Variants in ARHGAP26 observed in about 807,000 individuals in gnomAD.
The protein encoded by ARHGAP26 is rho GTPase-activating protein 26.
Under a neutral mutation model 104.8 loss-of-function variants are expected in ARHGAP26, and 38 were observed. That is an observed-to-expected ratio of 0.36 (90% confidence interval 0.28 to 0.48). ARHGAP26 has a LOEUF of 0.48. Ranked by LOEUF, ARHGAP26 falls within the 20% of genes least tolerant of loss-of-function variation. The probability of loss-of-function intolerance (pLI) is 0.99; values close to 1 mark genes in which losing one functional copy is unlikely to be tolerated. For missense variants in ARHGAP26, 704 were observed against 947.9 expected, an observed-to-expected ratio of 0.74 and a Z score of 3.38; for synonymous variants, 341 against 340.0, an observed-to-expected ratio of 1.00 and a Z score of -0.03.
At chr5:143,151,848 C>T (rs1014078310) in intron 20 of ARHGAP26, among the ~76,000 whole-genome samples, 1 of 152,074 alleles carries the variant, frequency 6.6e-6, no homozygotes, top group Non-Finnish European at 1.5e-5. Flanking sequence ...GTCCCAGGCT[C>T]AGGAGGCTGA....
chr5:143,038,946 G>C (rs1323326892), intron 13 of ARHGAP26, among the ~76,000 whole-genome samples: 4 of 151,696 alleles, frequency 2.6e-5, no homozygotes, highest in Non-Finnish European at 5.9e-5. Context: ...CACCCACCTC[G>C]GTCTCCCAAA....
chr5:143,128,365 A>G (rs865801496), intron 18 of ARHGAP26, among the ~76,000 whole-genome samples: 1 of 152,322 alleles, frequency 6.6e-6, no homozygotes, highest in South Asian at 2.1e-4. Context: ...ACAGCTCTCC[A>G]TGGATTACCC....
intron 13 of ARHGAP26, among the ~76,000 whole-genome samples, chr5:143,038,492 T>C (rs960328186): frequency 5.9e-5 from 9 of 152,086 alleles, no homozygotes; most frequent in African/African-American, 2.2e-4. Context: ...TTTCTGGGAA[T>C]TGGTCTTGAG....
intron 20 of ARHGAP26, among the ~76,000 whole-genome samples, chr5:143,198,035 A>G (rs978536424): frequency 2.6e-5 from 4 of 152,244 alleles, no homozygotes; most frequent in African/African-American, 7.2e-5. Context: ...GATTTTAAGA[A>G]TCATGTTTAA....
At position 142,859,987 on chromosome 5, in the gene ARHGAP26, A is replaced by G. The variant is rs75091251; in HGVS notation, c.155-13413A>G. On this transcript the variant is annotated intron_variant, in intron 1 of 22. Transcript: ENST00000645722. Reference sequence around the variant, plus strand: ...AGCGTTCCCCCTTACTCAGTCGTAGATATAAGACACTTACCTTGCACTTAC... The same window carrying G: ...AGCGTTCCCCCTTACTCAGTCGTAGGTATAAGACACTTACCTTGCACTTAC... The G allele has an allele frequency of 2.0e-5, 3 of 152,340 alleles. No homozygotes were observed. The East Asian group carries it at 5.8e-4, about 29-fold the overall frequency. 9.4% of individuals were successfully genotyped at this position (152,340 alleles called of 1,614,324 possible).
intron 20 of ARHGAP26, chr5:143,193,763 A>C (rs957826246): frequency 6.6e-6 from 1 of 152,222 alleles, no homozygotes; most frequent in Non-Finnish European, 1.5e-5. Flanking sequence ...CATTACATTC[A>C]CATAATTTTC....
intron 22 of ARHGAP26, among the ~76,000 whole-genome samples, chr5:143,221,888 A>G (rs571454830): frequency 2.7e-5 from 4 of 150,324 alleles, no homozygotes; most frequent in South Asian, 4.2e-4. Flanking sequence ...CACTGAGTAC[A>G]TAGTTGATAC....
intron 14 of ARHGAP26, among the ~76,000 whole-genome samples, chr5:143,045,788 A>G (rs916257735): frequency 6.6e-5 from 10 of 152,136 alleles, no homozygotes; most frequent in African/African-American, 2.4e-4. Context: ...ACCTGAGGTC[A>G]GGAGGTCGAG....
intron 7 of ARHGAP26, among the ~76,000 whole-genome samples, chr5:142,903,304 A>G (rs2152457591): frequency 6.6e-6 from 1 of 152,278 alleles, no homozygotes; most frequent in East Asian, 1.9e-4. Flanking sequence ...AGGGCTGGGC[A>G]TTTGCATTTT....
At chr5:142,952,422 T>G (rs1031381194) in intron 11 of ARHGAP26, among the ~76,000 whole-genome samples, 9 of 152,148 alleles carry the variant, frequency 5.9e-5, no homozygotes, top group African/African-American at 1.9e-4. Context: ...TCTCATCTGT[T>G]TTGGTGTTTG....
intron 1 of ARHGAP26, among the ~76,000 whole-genome samples, chr5:142,789,724 C>T (rs1561843779): frequency 2.0e-5 from 3 of 152,310 alleles, no homozygotes; most frequent in African/African-American, 4.8e-5. Flanking sequence ...CCCACCCATA[C>T]ACACTCCTGC....
At chr5:142,829,149 CT>C (rs1172643677) in intron 1 of ARHGAP26, among the ~76,000 whole-genome samples, 1 of 152,226 alleles carries the variant, frequency 6.6e-6, no homozygotes, top group Non-Finnish European at 1.5e-5. Flanking sequence ...TGTAACCTTT[CT>C]GTCCTCTAGA....
rs774554495 is a variant in ARHGAP26 at position 143,223,029 on chromosome 5, C to T, written c.*583C>T. The T allele has an allele frequency of 6.0e-5, 14 of 233,114 alleles. No homozygotes were observed. The highest frequency in any genetic ancestry group is 5.1e-4 in the Admixed American group (9 of 17,744). The allele number at this position is 233,114 out of a possible 1,614,324, so 14.4% of individuals were successfully genotyped here. A position where few individuals can be genotyped will look rare whatever the true frequency, so the allele number is the denominator to read the frequency against. On this transcript the variant is annotated 3_prime_UTR_variant, in exon 23 of 23. Coordinates refer to ENST00000645722, the MANE Select transcript of ARHGAP26 (RefSeq NM_001135608.3). ...AATCTCTCACCATCTCTAAAGCAGC[C>T]GTTGGCCTGTCATCAGTGAGATACA...
chr5:143,225,240 T>G lies in ARHGAP26; in HGVS notation c.*2794T>G. 1 of 187,360 alleles carries G rather than the reference T, an allele frequency of 5.3e-6. No homozygotes were observed. Among genetic ancestry groups the G allele is most frequent in the Non-Finnish European group, 1.1e-5 (1 of 88,750 alleles). 11.6% of individuals were successfully genotyped at this position (187,360 alleles called of 1,614,324 possible). The stretch of plus-strand genomic sequence containing the variant: ...TCTCACTCTGTGGCCCAGGCTGGAG[T>G]GCAGTGGCGCAATCTTGGCTCACTG... On this transcript the variant is annotated 3_prime_UTR_variant, in exon 23 of 23. Coordinates refer to ENST00000645722, the MANE Select transcript of ARHGAP26 (RefSeq NM_001135608.3).
chr5:142,941,074 C>CA (rs1162903888), intron 11 of ARHGAP26, among the ~76,000 whole-genome samples: 12,961 of 27,168 alleles, frequency 0.48, 3,094 homozygotes, highest in East Asian at 0.63. Context: ...GACTCCATCT[C>CA]AAAAAAAAAA....
In ARHGAP26 at chr5:143,100,399, G is replaced by A. The variant is rs574837944; in HGVS notation, c.1539-20589G>A. ...GTGGGAAATAGCGAAGGAACATCCA[G>A]TCACTAGCCTTATCCTTGGCACCAT... is the stretch of plus-strand genomic sequence containing the variant. On this transcript the variant is annotated intron_variant, in intron 17 of 22. Coordinates refer to ENST00000645722, the MANE Select transcript of ARHGAP26 (RefSeq NM_001135608.3). Among the ~76,000 whole-genome samples the A allele has an allele frequency of 7.9e-5, 12 of 152,314 alleles. No homozygotes were observed. In the South Asian group the frequency reaches 2.3e-3, roughly 29 times the overall value.
intron 17 of ARHGAP26, among the ~76,000 whole-genome samples, chr5:143,089,617 G>T (rs2150514758): frequency 6.6e-6 from 1 of 152,296 alleles, no homozygotes; most frequent in East Asian, 1.9e-4. Flanking sequence ...CTGGCTAGTG[G>T]CCCCTAATTG....
At chr5:142,988,514 AT>A (rs1158472373) in intron 11 of ARHGAP26, among the ~76,000 whole-genome samples, 1 of 151,658 alleles carries the variant, frequency 6.6e-6, no homozygotes, top group Non-Finnish European at 1.5e-5. Context: ...GATCTTAGTT[AT>A]TTCTTGCCTT....
intron 17 of ARHGAP26, among the ~76,000 whole-genome samples, chr5:143,096,987 G>A (rs1283990399): frequency 6.6e-6 from 1 of 152,196 alleles, no homozygotes; most frequent in Non-Finnish European, 1.5e-5. Context: ...GCTCACGCCT[G>A]TAATCCCAGC....
Sources: allele counts gnomAD v4.1 joint callset (sites outside exome capture counted in the v4.1 genomes callset), GRCh38; gene constraint gnomAD v4.1.1; transcripts MANE v1.5; gene names NCBI Gene and HGNC (gene_info 2026-07-23, HGNC 2026-07-21).